The following PAGE5 variants were observed in gnomAD, a reference collection of about 807,000 sequenced individuals.
PAGE5 encodes P antigen family member 5.
In PAGE5, 8 loss-of-function variants were observed where a neutral mutation model predicts 8.1. The ratio of observed to expected loss-of-function variants is 0.98; its 90% CI spans 0.58 to 1.77. The LOEUF (loss-of-function observed/expected upper bound fraction) is 1.77, where lower values mean the gene tolerates loss of function less well. PAGE5 is among the 40% of genes most tolerant of loss of function. PAGE5 has a pLI of 0.00. For missense variants in PAGE5, 64 were observed against 77.6 expected (o/e 0.82, Z 0.66); for synonymous variants, 30 against 27.0 (o/e 1.11, Z -0.35).
chrX:55,220,571 G>A (rs764354081), intron 1 of PAGE5, 119 bp downstream of exon 1: 2 of 1,181,469 alleles, frequency 1.7e-6, no homozygotes, highest in East Asian at 3.1e-5. Context: ...AGGGCCTCGC[G>A]GTGGTCCTCC....
At chrX:55,222,589 A>T (rs760706507) in intron 3 of PAGE5, 32 bp from the exon 4 acceptor site, 1 of 1,176,737 alleles carries the variant, frequency 8.5e-7, no homozygotes, top group Non-Finnish European at 1.2e-6. Flanking sequence ...TTCATATTTT[A>T]ATTCGTAAAT....
At chrX:55,223,169 GATAA>G (rs1321797115) in intron 4 of PAGE5, among the ~76,000 whole-genome samples, 2 of 112,287 alleles carry the variant, frequency 1.8e-5, no homozygotes, top group Non-Finnish European at 3.8e-5. Flanking sequence ...TGTTTTACAT[GATAA>G]ATATATATGA....
chrX:55,223,877 AC>A (rs1937925445), intron 4 of PAGE5, 109 bp from the exon 5 acceptor site: 4 of 522,431 alleles, frequency 7.7e-6, no homozygotes, highest in Non-Finnish European at 1.2e-5. Context: ...CTAAAGGGAC[AC>A]CCTCAGGGTT....
chrX:55,222,703 G>C lies in PAGE5; in HGVS notation c.273G>C (p.Glu91Asp). The C allele has an allele frequency of 8.3e-7, 1 of 1,210,565 alleles. No individual in the cohort carries two copies. The highest frequency in any genetic ancestry group is 1.1e-6 in the Non-Finnish European group (1 of 894,333). The part of the protein sequence containing the change: ...DAPGDGPDVR[E>D]GTLPTFDPTK... ...CTGGAGATGGTCCTGATGTCAGGGAGGGGACTCTGCCCACTTTTGATCCCA... is the reference window on the plus strand; with the variant it reads ...CTGGAGATGGTCCTGATGTCAGGGACGGGACTCTGCCCACTTTTGATCCCA... The change falls in exon 4 of 5, where the codon GAG becomes GAC. Residue 91 changes from glutamate (E) to aspartate (D), a missense_variant. Coordinates refer to ENST00000374955, the MANE Select transcript of PAGE5 (RefSeq NM_001013435.3).
At chrX:55,220,474 C>T in intron 1 of PAGE5, 22 bp downstream of exon 1, 1 of 634,828 alleles carries the variant, frequency 1.6e-6, no homozygotes, top group Non-Finnish European at 2.6e-6. Flanking sequence ...GAGTGGTCTT[C>T]CTGGTAATTT....
At chrX:55,220,594 G>T in intron 1 of PAGE5, 142 bp downstream of exon 1, 1 of 1,195,373 alleles carries the variant, frequency 8.4e-7, no homozygotes, top group South Asian at 1.8e-5. Flanking sequence ...CTTCCCCCAG[G>T]TCCTGATGCA....
At chrX:55,222,062 C>T (rs1253964743) in intron 3 of PAGE5, among the ~76,000 whole-genome samples, 187 bp downstream of exon 3, 4 of 111,846 alleles carry the variant, frequency 3.6e-5, no homozygotes, top group African/African-American at 3.3e-5. Context: ...ACCATTTTGA[C>T]GGAGGCTTTT....
intron 4 of PAGE5, 140 bp downstream of exon 4, chrX:55,222,886 A>G (rs1402994040): frequency 5.2e-5 from 39 of 749,580 alleles, no homozygotes; most frequent in Non-Finnish European, 6.9e-5. Context: ...TCAGACCCCA[A>G]ATGGCTGCCT....
chrX:55,220,422 T>G lies in PAGE5; in HGVS notation c.-39T>G. On this transcript the variant is annotated 5_prime_UTR_variant, in exon 1 of 5. Transcript: ENST00000374955. ...GCCATCTTCGTTCTTTCCAACATCT[T>G]CGTTCTTTCTCACTGACCGAGACTC... is the stretch of plus-strand genomic sequence containing the variant. 2.1e-6 allele frequency: 1 copy of G among 469,495 alleles called. No homozygotes were observed. Among genetic ancestry groups the G allele is most frequent in the Non-Finnish European group, 3.8e-6 (1 of 261,526 alleles). 38.7% of individuals were successfully genotyped at this position (469,495 alleles called of 1,213,427 possible). A position where few individuals can be genotyped will look rare whatever the true frequency, so the allele number is the denominator to read the frequency against.
In PAGE5 at chrX:55,221,234, C is replaced by T. The variant is rs1171628226; in HGVS notation, c.-8-141C>T. On this transcript the variant is annotated intron_variant, in intron 1 of 4. Coordinates refer to ENST00000374955, the MANE Select transcript of PAGE5 (RefSeq NM_001013435.3). ...GTCCTTAGTTTGATTGGAAAGCATG[C>T]GTACTTATCAATGCTCTGTGACTTA... is the stretch of plus-strand genomic sequence containing the variant. 6 of 542,055 alleles carry T rather than the reference C, an allele frequency of 1.1e-5. No individual in the cohort carries two copies. In the Admixed American group the frequency reaches 1.2e-4, roughly 10 times the overall value. The allele number at this position is 542,055 out of a possible 1,213,427, so 44.7% of individuals were successfully genotyped here.
intron 1 of PAGE5, 145 bp from the exon 2 acceptor site, chrX:55,221,230 C>G: frequency 1.9e-6 from 1 of 527,845 alleles, no homozygotes; most frequent in Non-Finnish European, 3.1e-6. Flanking sequence ...GATTGGAAAG[C>G]ATGCGTACTT....
intron 3 of PAGE5, among the ~76,000 whole-genome samples, chrX:55,222,415 A>C (rs752544360): frequency 8.9e-6 from 1 of 112,419 alleles, no homozygotes; most frequent in East Asian, 2.8e-4. Context: ...AAATGAGTAC[A>C]AAAGGAACAA....
rs1315666073 is a variant in PAGE5, at chrX:55,222,646, G to A, written c.216G>A (p.Gln72=). Residue 72 remains glutamine, a synonymous_variant, in exon 4 of 5, where the codon CAG becomes CAA. Transcript: ENST00000374955. The stretch of plus-strand genomic sequence containing the variant: ...GGACTGATGTGGAAGCTTTTCAACA[G>A]GAACTGGCTCTGCTTAAGATAGAGG... The part of the protein sequence containing the change: ...VQGTDVEAFQ[Q]ELALLKIEDA... 1 of 1,208,936 alleles carries A rather than the reference G, an allele frequency of 8.3e-7. No homozygotes were observed. Among genetic ancestry groups the A allele is most frequent in the Admixed American group, 2.2e-5 (1 of 46,028 alleles).
In PAGE5 at chrX:55,221,473, T is replaced by C. The variant is rs1387897368; in HGVS notation, c.81+10T>C. On this transcript the variant is annotated intron_variant, in intron 2 of 4. Coordinates refer to ENST00000374955, the MANE Select transcript of PAGE5 (RefSeq NM_001013435.3). Reference sequence around the variant, plus strand: ...AGTTGGACCTGTGATTGTGAGTCCTTTAGCATTTGATGTTTTCTATTAACA... The same window carrying C: ...AGTTGGACCTGTGATTGTGAGTCCTCTAGCATTTGATGTTTTCTATTAACA... The C allele has an allele frequency of 8.4e-7, 1 of 1,194,328 alleles. No homozygotes were observed. Among genetic ancestry groups the C allele is most frequent in the South Asian group, 1.8e-5 (1 of 55,635 alleles).
In PAGE5 at chrX:55,221,655, C is replaced by A. The variant is rs764106215; in HGVS notation, c.82-112C>A. 68 of 910,485 alleles carry A rather than the reference C, an allele frequency of 7.5e-5. No homozygotes were observed. The East Asian group carries it at 1.1e-3, about 15-fold the overall frequency. 75.0% of individuals were successfully genotyped at this position (910,485 alleles called of 1,213,427 possible). A position where few individuals can be genotyped will look rare whatever the true frequency, so the allele number is the denominator to read the frequency against. ...TATGGATATGGATATTTTACTCTCTCTCTATATATATATCTATTGGAAAAT... is the reference window on the plus strand; with the variant it reads ...TATGGATATGGATATTTTACTCTCTATCTATATATATATCTATTGGAAAAT... On this transcript the variant is annotated intron_variant, in intron 2 of 4. Transcript: ENST00000374955.
chrX:55,223,886 G>T, intron 4 of PAGE5, 101 bp from the exon 5 acceptor site: 1 of 622,990 alleles, frequency 1.6e-6, no homozygotes, highest in Non-Finnish European at 2.4e-6. Context: ...CACCCTCAGG[G>T]TTCTGATTTT....
intron 1 of PAGE5, among the ~76,000 whole-genome samples, chrX:55,221,025 C>T (rs1221623539): frequency 2.7e-5 from 3 of 110,734 alleles, no homozygotes; most frequent in Non-Finnish European, 5.7e-5. Flanking sequence ...GGTGGTGGCC[C>T]TAGTATATCA....
intron 4 of PAGE5, 67 bp from the exon 5 acceptor site, chrX:55,223,920 T>C: frequency 1.1e-6 from 1 of 902,884 alleles, no homozygotes; most frequent in African/African-American, 2.0e-5. Context: ...TGTAGTTGTA[T>C]ACTTCTAGTG....
intron 3 of PAGE5, among the ~76,000 whole-genome samples, 168 bp downstream of exon 3, chrX:55,222,043 A>G (rs1267028166): frequency 2.7e-5 from 3 of 112,097 alleles, no homozygotes; most frequent in African/African-American, 3.2e-5. Flanking sequence ...AAAAGCCACA[A>G]ACTTTCCTAC....
Sources: allele counts gnomAD v4.1 joint callset (sites outside exome capture counted in the v4.1 genomes callset), GRCh38; gene constraint gnomAD v4.1.1; transcripts MANE v1.5; gene names NCBI Gene and HGNC (gene_info 2026-07-23, HGNC 2026-07-21).